ILF2: variants seen among roughly 807,000 people sequenced by gnomAD.
The protein encoded by ILF2 is interleukin enhancer binding factor 2, also known as interleukin enhancer-binding factor 2.
ILF2 carries 9 observed loss-of-function variants against 55.3 expected under a neutral mutation model. The observed-to-expected ratio is 0.16, with a 90% CI of 0.10 to 0.28. ILF2 has a LOEUF of 0.28. Among genes scored for constraint, ILF2 ranks in the 10% least tolerant of loss-of-function variants. ILF2 has a pLI of 1.00. For synonymous variants in ILF2, 151 were observed against 161.8 expected (o/e 0.93, Z 0.50); for missense variants, 266 against 474.9 (o/e 0.56, Z 4.09).
In ILF2 at chr1:153,665,268, T is replaced by C. The variant is rs745662164; in HGVS notation, c.529A>G (p.Ile177Val). 2 of 1,613,694 alleles carry C rather than the reference T, an allele frequency of 1.2e-6. No individual in the cohort carries two copies. Among genetic ancestry groups the C allele is most frequent in the East Asian group, 2.2e-5 (1 of 44,878 alleles). The change falls in exon 8 of 14, where the codon ATT (isoleucine) becomes GTT (valine). Residue 177 changes from isoleucine to valine, a missense_variant. Coordinates refer to ENST00000361891, the MANE Select transcript of ILF2 (RefSeq NM_004515.4). ...CGAAGATTGGGTGGCACTGTTGTAA[T>C]GAGAATCTTCACTGTAGCATCAGAA... The part of the protein sequence containing the change: ...SSSDATVKIL[I>V]TTVPPNLRKL...
chr1:153,668,707 T>C (rs1171861018), intron 3 of ILF2, 150 bp from the exon 4 acceptor site: 2 of 928,860 alleles, frequency 2.2e-6, no homozygotes, highest in African/African-American at 1.7e-5. Context: ...CTGGGCGTGG[T>C]GGCTCACACC....
intron 3 of ILF2, among the ~76,000 whole-genome samples, chr1:153,669,471 TTCCC>T (rs1669390626): frequency 6.6e-6 from 1 of 152,018 alleles, no homozygotes; most frequent in African/African-American, 2.4e-5. Context: ...ACAAATCACT[TTCCC>T]TCCCTATTTC....
At chr1:153,664,528 C>T (rs952951300) in intron 8 of ILF2, 54 bp from the exon 9 acceptor site, 76 of 1,313,808 alleles carry the variant, frequency 5.8e-5, no homozygotes, top group Non-Finnish European at 7.3e-5. Context: ...AAACAAGCTA[C>T]TCATTACCAC....
chr1:153,667,712 G>C (rs1408874853), intron 5 of ILF2, 55 bp from the exon 6 acceptor site: 2 of 1,229,006 alleles, frequency 1.6e-6, no homozygotes, highest in Admixed American at 3.8e-5. Flanking sequence ...AAGGTGCCTA[G>C]GTCCTCCCAG....
At chr1:153,669,200 C>T (rs1464173172) in intron 3 of ILF2, among the ~76,000 whole-genome samples, 3 of 151,282 alleles carry the variant, frequency 2.0e-5, no homozygotes, top group East Asian at 1.9e-4. Context: ...TGCACCACTG[C>T]ACTCCAGCCT....
chr1:153,662,195 G>T lies in ILF2; in HGVS notation c.*201C>A. The T allele has an allele frequency of 1.7e-6, 1 of 597,610 alleles. No individual in the cohort carries two copies. Among genetic ancestry groups the T allele is most frequent in the Non-Finnish European group, 2.9e-6 (1 of 340,402 alleles). The allele number at this position is 597,610 out of a possible 1,614,324, so 37.0% of individuals were successfully genotyped here. ...AGAAATGTTGGTATCCTCCATTATA[G>T]ATGGATGGCATAGGTCACAAATGGG... is the stretch of plus-strand genomic sequence containing the variant. On this transcript the variant is annotated 3_prime_UTR_variant, in exon 14 of 14. Coordinates refer to ENST00000361891, the MANE Select transcript of ILF2 (RefSeq NM_004515.4).
intron 3 of ILF2, 52 bp downstream of exon 3, chr1:153,669,784 C>A: frequency 7.1e-7 from 1 of 1,407,248 alleles, no homozygotes; most frequent in Non-Finnish European, 1.0e-6. Context: ...AGATACTGGG[C>A]TCCATTTCAA....
chr1:153,662,743 C>T lies in ILF2; in HGVS notation c.974G>A (p.Gly325Asp). 1.9e-6 allele frequency: 3 copies of T among 1,614,196 alleles called. No homozygotes were observed. Among genetic ancestry groups the T allele is most frequent in the Non-Finnish European group, 2.5e-6 (3 of 1,180,030 alleles). Residue 325 changes from glycine (G) to aspartate (D), a missense_variant, in exon 13 of 14, where the codon GGC becomes GAC. By Grantham distance (94) the Gly-to-Asp change is moderately conservative. Transcript: ENST00000361891. The stretch of plus-strand genomic sequence containing the variant: ...CTCCTGGCCAAGGATCTTCCTAAAG[C>T]CACCATGTGAGAGGATTCGGACGAG... ...QTLVRILSHG[G>D]FRKILGQEGD...
chr1:153,663,166 A>T, intron 11 of ILF2, 33 bp from the exon 12 acceptor site: 1 of 1,613,762 alleles, frequency 6.2e-7, no homozygotes, highest in Non-Finnish European at 8.5e-7. Flanking sequence ...GTATTAAAGG[A>T]ATGCACAAAA....
At position 153,670,153 on chromosome 1, in the gene ILF2, C is replaced by A. The variant is rs1437253289; in HGVS notation, c.65+18G>T. The A allele has an allele frequency of 1.2e-6, 2 of 1,612,928 alleles. No individual in the cohort carries two copies. The highest frequency in any genetic ancestry group is 1.7e-6 in the Non-Finnish European group (2 of 1,179,202). On this transcript the variant is annotated intron_variant, in intron 2 of 13. Coordinates refer to ENST00000361891, the MANE Select transcript of ILF2 (RefSeq NM_004515.4). ...AAACTAACAACCAAGTGCAGAGATG[C>A]TAAAAGCTGGTACTCACCCTCCTCC...
At chr1:153,665,600 A>G (rs760807865) in intron 7 of ILF2, 63 bp downstream of exon 7, 1 of 1,309,710 alleles carries the variant, frequency 7.6e-7, no homozygotes, top group Non-Finnish European at 1.1e-6. Context: ...TTGAAAGTGT[A>G]CTTACAATTA....
At position 153,670,049 on chromosome 1, in the gene ILF2, C is replaced by T. The variant is rs188860785; in HGVS notation, c.65+122G>A. The T allele has an allele frequency of 7.6e-5, 86 of 1,125,498 alleles. No homozygotes were observed. In the East Asian group the frequency reaches 1.6e-3, roughly 21 times the overall value. The allele number at this position is 1,125,498 out of a possible 1,614,324, so 69.7% of individuals were successfully genotyped here. A position where few individuals can be genotyped will look rare whatever the true frequency, so the allele number is the denominator to read the frequency against. ...GGGCCAAATTCATTTAACAGGAGTG[C>T]AGGAAAAGACCACAGTTGGCTCTCG... On this transcript the variant is annotated intron_variant, in intron 2 of 13. Coordinates refer to ENST00000361891, the MANE Select transcript of ILF2 (RefSeq NM_004515.4).
At position 153,670,974 on chromosome 1, in the gene ILF2, A is replaced by G; in HGVS notation, c.-52T>C. On this transcript the variant is annotated 5_prime_UTR_variant, in exon 1 of 14. Coordinates refer to ENST00000361891, the MANE Select transcript of ILF2 (RefSeq NM_004515.4). ...GCCGCACCAACCGCCCCTTCCTCTG[A>G]GTAGCAGACAACTGAAGAGGCGTCT... 6.2e-7 allele frequency: 1 copy of G among 1,613,106 alleles called. No homozygotes were observed. Among genetic ancestry groups the G allele is most frequent in the Non-Finnish European group, 8.5e-7 (1 of 1,179,020 alleles).
chr1:153,669,889 A>G lies in ILF2; in HGVS notation c.66-11T>C. ...ACAAAGGGCCTGAACCTAAAACATG[A>G]AAAACAGCCAAATTATTCCCTAGGT... On this transcript the variant is annotated splice_polypyrimidine_tract_variant and intron_variant, in intron 2 of 13. Coordinates refer to ENST00000361891, the MANE Select transcript of ILF2 (RefSeq NM_004515.4). 1 of 1,609,090 alleles carries G rather than the reference A, an allele frequency of 6.2e-7. No individual in the cohort carries two copies.
chr1:153,662,562 A>G lies in ILF2; in HGVS notation c.1013-6T>C, dbSNP rs746967028. On this transcript the variant is annotated splice_region_variant and splice_polypyrimidine_tract_variant and intron_variant, in intron 13 of 13. Coordinates refer to ENST00000361891, the MANE Select transcript of ILF2 (RefSeq NM_004515.4). ...AGATATTTCAGAAGCAAGATCTAGG[A>G]AAGAGAAAAAGGTGATTTAGACGAG... 6 of 1,612,990 alleles carry G rather than the reference A, an allele frequency of 3.7e-6. No homozygotes were observed. In the South Asian group the frequency reaches 6.6e-5, roughly 18 times the overall value.
At chr1:153,665,048 T>TA (rs1669274021) in intron 8 of ILF2, among the ~76,000 whole-genome samples, 172 bp downstream of exon 8, 1 of 152,240 alleles carries the variant, frequency 6.6e-6, no homozygotes, top group Non-Finnish European at 1.5e-5. Context: ...AGCAAGCTGA[T>TA]AAACTATTTC....
intron 1 of ILF2, 26 bp from the exon 2 acceptor site, chr1:153,670,256 C>T (rs1247245780): frequency 1.2e-6 from 2 of 1,612,478 alleles, no homozygotes; most frequent in African/African-American, 1.3e-5. Flanking sequence ...TTATTTTGAC[C>T]TCATTGAAGG....
chr1:153,666,410 C>T (rs1228004970), intron 6 of ILF2, among the ~76,000 whole-genome samples: 1 of 152,180 alleles, frequency 6.6e-6, no homozygotes, highest in East Asian at 1.9e-4. Context: ...TCTTGAACTC[C>T]AGGCCTTGGC....
intron 8 of ILF2, among the ~76,000 whole-genome samples, chr1:153,664,828 G>A (rs1301838583): frequency 6.6e-6 from 1 of 152,196 alleles, no homozygotes; most frequent in Non-Finnish European, 1.5e-5. Context: ...AAAGTGCTGG[G>A]ATTACAGGCG....
Sources: allele counts gnomAD v4.1 joint callset (sites outside exome capture counted in the v4.1 genomes callset), GRCh38; gene constraint gnomAD v4.1.1; transcripts MANE v1.5; gene names NCBI Gene and HGNC (gene_info 2026-07-23, HGNC 2026-07-21).